Variants in RBM47 observed in about 807,000 individuals in gnomAD.
RBM47 encodes the protein RNA binding motif protein 47.
In RBM47, 21 loss-of-function variants were observed where a neutral mutation model predicts 47.1. The ratio of observed to expected loss-of-function variants is 0.45; its 90% CI spans 0.32 to 0.64. The LOEUF is 0.64. Among genes scored for constraint, RBM47 ranks in the 30% least tolerant of loss-of-function variants. RBM47 has a pLI of 0.05. For missense variants in RBM47, 708 were observed against 870.9 expected, an observed-to-expected ratio of 0.81 and a Z score of 2.35; for synonymous variants, 375 against 361.7, an observed-to-expected ratio of 1.04 and a Z score of -0.42.
chr4:40,502,506 T>C (rs1723507947), intron 2 of RBM47, among the ~76,000 whole-genome samples: 2 of 152,148 alleles, frequency 1.3e-5, no homozygotes, highest in Admixed American at 1.3e-4. Flanking sequence ...GAGAGGCCAA[T>C]GAGTGCTCGT....
chr4:40,530,410 TCTC>T (rs1381521321), intron 2 of RBM47, among the ~76,000 whole-genome samples: 1 of 152,150 alleles, frequency 6.6e-6, no homozygotes, highest in African/African-American at 2.4e-5. Flanking sequence ...TTCAAGCAAT[TCTC>T]CTGTCTCACC....
intron 3 of RBM47, among the ~76,000 whole-genome samples, chr4:40,443,148 G>A (rs1012266067): frequency 6.6e-6 from 1 of 152,138 alleles, no homozygotes; most frequent in Admixed American, 6.5e-5. Context: ...TGGTTACCAT[G>A]GGCTGGAGAA....
At chr4:40,567,034 T>G (rs1033412163) in intron 1 of RBM47, among the ~76,000 whole-genome samples, 3 of 151,868 alleles carry the variant, frequency 2.0e-5, no homozygotes, top group African/African-American at 7.3e-5. Context: ...TGGTGTGAGC[T>G]GGGGAAGGGA....
At chr4:40,441,156 G>T (rs1445084897) in intron 3 of RBM47, among the ~76,000 whole-genome samples, 3 of 151,468 alleles carry the variant, frequency 2.0e-5, no homozygotes, top group Admixed American at 1.3e-4. Flanking sequence ...AGGCAGAGTG[G>T]CTTGTGCCTG....
In RBM47 at chr4:40,538,180, A is replaced by G. The variant is rs926300427; in HGVS notation, c.-155+6242T>C. ...ATTTGATCAGAGATCAGGCAGAAGG[A>G]AAGAAAAGGGAGAGGTCCAGACAAG... On this transcript the variant is annotated intron_variant, in intron 2 of 6. Transcript: ENST00000295971. 2.0e-5 allele frequency among the ~76,000 whole-genome samples: 3 copies of G among 152,188 alleles called. No individual in the cohort carries two copies. In the South Asian group the frequency reaches 6.2e-4, roughly 32 times the overall value.
chr4:40,576,427 C>G (rs1353103449), intron 1 of RBM47, among the ~76,000 whole-genome samples: 1 of 151,964 alleles, frequency 6.6e-6, no homozygotes, highest in Non-Finnish European at 1.5e-5. Flanking sequence ...GGCCTCCAAG[C>G]CTATTTCTTA....
At position 40,509,029 on chromosome 4, in the gene RBM47, C is replaced by T. The variant is rs546674740; in HGVS notation, c.-155+35393G>A. On this transcript the variant is annotated intron_variant, in intron 2 of 6. Transcript: ENST00000295971. ...TACAAAAATTAGCCAGGTGTGGTGGCGCGTGCCTGTAGCCCAGCTACTTGG... is the reference window on the plus strand; with the variant it reads ...TACAAAAATTAGCCAGGTGTGGTGGTGCGTGCCTGTAGCCCAGCTACTTGG... 3.4e-4 allele frequency among the ~76,000 whole-genome samples: 52 copies of T among 151,980 alleles called. No homozygotes were observed. In the South Asian group the frequency reaches 7.3e-3, roughly 21 times the overall value.
chr4:40,586,716 G>A (rs1733623148), intron 1 of RBM47, among the ~76,000 whole-genome samples: 1 of 151,538 alleles, frequency 6.6e-6, no homozygotes, highest in African/African-American at 2.4e-5. Context: ...GGTGGACCTT[G>A]GAAGCAAGAG....
At chr4:40,556,080 G>A (rs1730052947) in intron 1 of RBM47, among the ~76,000 whole-genome samples, 1 of 150,826 alleles carries the variant, frequency 6.6e-6, no homozygotes, top group Non-Finnish European at 1.5e-5. Flanking sequence ...CTGTCGCGCA[G>A]GCTGGAGTGC....
Position 40,425,936 on chromosome 4 carries a change from C to G in RBM47, c.1750G>C (p.Val584Leu), listed in dbSNP as rs1480929995. The change falls in exon 7 of 7, where the codon GTC becomes CTC. Residue 584 changes from valine to leucine, a missense_variant. Transcript: ENST00000295971. The part of the protein sequence containing the change: ...PQAFPAAAIQ[V>L]PIPDVYQTY ...GTCTGGTAGACGTCGGGGATGGGGA[C>G]CTGAATGGCAGCAGCAGGGAAGGCC... 4 of 1,614,152 alleles carry G rather than the reference C, an allele frequency of 2.5e-6. No homozygotes were observed. Among genetic ancestry groups the G allele is most frequent in the Non-Finnish European group, 2.5e-6 (3 of 1,180,034 alleles).
Position 40,423,657 on chromosome 4 carries a change from TTTCTTTCTTTC to T in RBM47, c.*2236_*2246del, listed in dbSNP as rs1714643742. ...TTTTTTTATTCTTTCTTTCTTTTTC[TTTCTTTCTTTC>T]TTTCTTTCTTTCTTTCTTTCTTTCT... On this transcript the variant is annotated 3_prime_UTR_variant, in exon 7 of 7. Transcript: ENST00000295971. 1 of 11,146 alleles carries T rather than the reference TTTCTTTCTTTC, an allele frequency of 9.0e-5. No homozygotes were observed. The allele number at this position is 11,146 out of a possible 1,614,324, so 0.7% of individuals were successfully genotyped here. A position where few individuals can be genotyped will look rare whatever the true frequency, so the allele number is the denominator to read the frequency against.
At chr4:40,576,694 C>T (rs1732371152) in intron 1 of RBM47, among the ~76,000 whole-genome samples, 1 of 152,156 alleles carries the variant, frequency 6.6e-6, no homozygotes, top group Admixed American at 6.5e-5. Flanking sequence ...GCCTGAGCCC[C>T]TCAGGGTGCT....
chr4:40,430,819 G>C (rs1221923210), intron 6 of RBM47, among the ~76,000 whole-genome samples: 3 of 152,236 alleles, frequency 2.0e-5, no homozygotes, highest in Non-Finnish European at 2.9e-5. Context: ...GTAGGCAACG[G>C]CTCATGCCTG....
chr4:40,447,861 A>T (rs1387785617), intron 3 of RBM47, among the ~76,000 whole-genome samples: 1 of 152,206 alleles, frequency 6.6e-6, no homozygotes, highest in African/African-American at 2.4e-5. Flanking sequence ...ATACAAAAAA[A>T]TTAGCCGGGC....
At chr4:40,487,669 C>T (rs1721289590) in intron 2 of RBM47, among the ~76,000 whole-genome samples, 1 of 152,150 alleles carries the variant, frequency 6.6e-6, no homozygotes, top group Non-Finnish European at 1.5e-5. Flanking sequence ...CCTGGCATAA[C>T]ACTTCGTAAG....
intron 3 of RBM47, among the ~76,000 whole-genome samples, chr4:40,444,368 T>C (rs548416518): frequency 2.6e-5 from 4 of 151,870 alleles, no homozygotes; most frequent in Non-Finnish European, 4.4e-5. Flanking sequence ...GGGCCAAATA[T>C]GGCCTGCTGT....
intron 2 of RBM47, among the ~76,000 whole-genome samples, chr4:40,475,101 T>A (rs1719415640): frequency 6.6e-6 from 1 of 152,066 alleles, no homozygotes; most frequent in African/African-American, 2.4e-5. Context: ...TTAAAGCATA[T>A]AATCTACACC....
chr4:40,612,049 G>A (rs919669499), intron 1 of RBM47, among the ~76,000 whole-genome samples: 10 of 152,326 alleles, frequency 6.6e-5, no homozygotes, highest in South Asian at 2.1e-4. Flanking sequence ...GGTCAAGAGC[G>A]TTGGAATGAA....
At chr4:40,611,731 A>C (rs1316914893) in intron 1 of RBM47, among the ~76,000 whole-genome samples, 1 of 150,590 alleles carries the variant, frequency 6.6e-6, no homozygotes, top group East Asian at 1.9e-4. Flanking sequence ...TCTGTCTCAA[A>C]AAAAACAAAA....
Sources: gnomAD v4.1 joint callset for allele counts (sites outside exome capture counted in the v4.1 genomes callset) on GRCh38, gnomAD v4.1.1 for gene constraint, MANE v1.5 for transcripts, NCBI Gene and HGNC (gene_info 2026-07-23, HGNC 2026-07-21) for gene names.